The following AGMO variants were observed in gnomAD, a reference collection of about 807,000 sequenced individuals.
AGMO encodes alkylglycerol monooxygenase.
AGMO carries 75 observed loss-of-function variants against 60.2 expected under a neutral mutation model. The observed-to-expected ratio is 1.25, with a 90% CI of 1.03 to 1.51. The LOEUF is 1.51. Ranked by LOEUF, AGMO falls within the 40% of genes most tolerant of loss-of-function variation. The pLI, the probability that AGMO is intolerant of heterozygous loss-of-function variation, is 0.00. For missense variants in AGMO, 763 were observed against 525.5 expected, an observed-to-expected ratio of 1.45 and a Z score of -4.42; for synonymous variants, 261 against 177.1, an observed-to-expected ratio of 1.47 and a Z score of -3.76.
At chr7:15,367,336 T>C (rs1473836964) in intron 10 of AGMO, among the ~76,000 whole-genome samples, 2 of 152,010 alleles carry the variant, frequency 1.3e-5, no homozygotes, top group Non-Finnish European at 2.9e-5. Context: ...ATTTATATAT[T>C]AAAATTTAAT....
At chr7:15,222,432 G>C (rs913922455) in intron 12 of AGMO, among the ~76,000 whole-genome samples, 18 of 152,070 alleles carry the variant, frequency 1.2e-4, no homozygotes, top group African/African-American at 3.4e-4. Flanking sequence ...TGAGTGGCTA[G>C]AGCGATTGAG....
At chr7:15,396,874 T>G (rs147414387) in intron 5 of AGMO, among the ~76,000 whole-genome samples, 1 of 152,080 alleles carries the variant, frequency 6.6e-6, no homozygotes, top group Non-Finnish European at 1.5e-5. Context: ...AGATACAGAG[T>G]GCTGATTAGT....
intron 12 of AGMO, among the ~76,000 whole-genome samples, chr7:15,297,241 C>A (rs1784430531): frequency 6.6e-6 from 1 of 152,102 alleles, no homozygotes; most frequent in Non-Finnish European, 1.5e-5. Context: ...CCATCAAAGA[C>A]CAACCCTACT....
intron 12 of AGMO, among the ~76,000 whole-genome samples, chr7:15,283,392 T>C (rs1244469504): frequency 6.6e-6 from 1 of 152,016 alleles, no homozygotes; most frequent in Non-Finnish European, 1.5e-5. Context: ...TGGAAAAAGA[T>C]ATTTGATGCA....
chr7:15,499,540 T>C (rs1366869989), intron 3 of AGMO, among the ~76,000 whole-genome samples: 1 of 151,876 alleles, frequency 6.6e-6, no homozygotes, highest in East Asian at 1.9e-4. Flanking sequence ...TCTCATGCAA[T>C]GTTGATGCAT....
intron 12 of AGMO, among the ~76,000 whole-genome samples, chr7:15,279,309 TTC>T (rs1243244189): frequency 1.3e-5 from 2 of 152,054 alleles, no homozygotes; most frequent in Non-Finnish European, 2.9e-5. Context: ...CTCCTCTGCT[TTC>T]TCTGATTCCA....
intron 12 of AGMO, among the ~76,000 whole-genome samples, chr7:15,291,184 ATCT>A (rs1322490299): frequency 6.6e-6 from 1 of 152,146 alleles, no homozygotes; most frequent in Admixed American, 6.5e-5. Context: ...CTTTTAATTT[ATCT>A]TTTTAAAATT....
chr7:15,354,032 G>A (rs919707735), intron 12 of AGMO, among the ~76,000 whole-genome samples: 6 of 152,050 alleles, frequency 3.9e-5, no homozygotes, highest in Non-Finnish European at 7.4e-5. Flanking sequence ...TTATAAAGCA[G>A]AGAAGCAATA....
At chr7:15,461,894 G>A (rs1360151323) in intron 3 of AGMO, among the ~76,000 whole-genome samples, 1 of 151,912 alleles carries the variant, frequency 6.6e-6, no homozygotes. Context: ...TCAATGTCAC[G>A]ATAAAAAAGT....
intron 12 of AGMO, among the ~76,000 whole-genome samples, chr7:15,241,185 G>T (rs1194879219): frequency 6.6e-6 from 1 of 152,040 alleles, no homozygotes; most frequent in East Asian, 1.9e-4. Flanking sequence ...GTAAAGACTA[G>T]GGAAGTGGCT....
chr7:15,388,282 G>A (rs994508928), intron 8 of AGMO, among the ~76,000 whole-genome samples: 11 of 152,062 alleles, frequency 7.2e-5, no homozygotes, highest in Admixed American at 1.3e-4. Flanking sequence ...AAGCATGTGG[G>A]TTACTTATAT....
rs116692485 is a variant in AGMO, at chr7:15,330,001, A to G, written c.1263+35513T>C. ...AACTAATGGTCTAGTGGAAGGAAAA[A>G]ATAACTAATTTATAGAAGTTTAGGG... On this transcript the variant is annotated intron_variant, in intron 12 of 12. Coordinates refer to ENST00000342526, the MANE Select transcript of AGMO (RefSeq NM_001004320.2). 5.5e-3 allele frequency among the ~76,000 whole-genome samples: 837 copies of G among 152,298 alleles called. 13 individuals carry two copies. Among genetic ancestry groups the G allele is most frequent in the African/African-American group, 0.019 (779 of 41,562 alleles).
At chr7:15,165,532 C>A in the AGMO span, among the ~76,000 whole-genome samples, 1 of 152,028 alleles carries the variant, frequency 6.6e-6, no homozygotes, top group Admixed American at 6.6e-5. Flanking sequence ...TTGTATTTAA[C>A]CCTATAAACA....
Position 15,529,707 on chromosome 7 carries a change from C to CTG in AGMO, c.409+15064_409+15065insCA, listed in dbSNP as rs1784248599. On this transcript the variant is annotated intron_variant, in intron 3 of 12. Transcript: ENST00000342526. ...ATATAGAATATATATTCCATATATA[C>CTG]TATATATATACTATATACTCTATAT... Among the ~76,000 whole-genome samples, 3 of 38,146 alleles carry CTG rather than the reference C, an allele frequency of 7.9e-5. 1 individual carries two copies. The highest frequency in any genetic ancestry group is 1.6e-4 in the Non-Finnish European group (3 of 19,156). 25.0% of individuals were successfully genotyped at this position (38,146 alleles called of 152,430 possible). A position where few individuals can be genotyped will look rare whatever the true frequency, so the allele number is the denominator to read the frequency against.
intron 12 of AGMO, among the ~76,000 whole-genome samples, chr7:15,327,321 A>T (rs73296400): frequency 0.033 from 4,950 of 152,296 alleles, 295 homozygotes; most frequent in African/African-American, 0.11. Context: ...AAAAAGAAAT[A>T]AGTGTTGGAG....
At chr7:15,557,970 C>G (rs974020974) in intron 2 of AGMO, among the ~76,000 whole-genome samples, 1 of 143,358 alleles carries the variant, frequency 7.0e-6, no homozygotes, top group African/African-American at 2.6e-5. Context: ...CCCTGAAGGA[C>G]TGGTTTGTTT....
the AGMO span, among the ~76,000 whole-genome samples, chr7:15,136,817 C>G: frequency 1.3e-5 from 2 of 152,018 alleles, no homozygotes; most frequent in African/African-American, 4.8e-5. Flanking sequence ...CACTACCTAT[C>G]TCTTGTCAAG....
chr7:15,430,997 C>A lies in AGMO; in HGVS notation c.513+8G>T. On this transcript the variant is annotated splice_region_variant and intron_variant, in intron 4 of 12. Transcript: ENST00000342526. ...ATTACCATGTTTATTCCATTTCATACAACTTACCCAGGAAGTATATATCTG... is the reference window on the plus strand; with the variant it reads ...ATTACCATGTTTATTCCATTTCATAAAACTTACCCAGGAAGTATATATCTG... 1 of 1,468,224 alleles carries A rather than the reference C, an allele frequency of 6.8e-7. No individual in the cohort carries two copies. The highest frequency in any genetic ancestry group is 9.2e-7 in the Non-Finnish European group (1 of 1,083,690). The allele number at this position is 1,468,224 out of a possible 1,614,324, so 90.9% of individuals were successfully genotyped here. A position where few individuals can be genotyped will look rare whatever the true frequency, so the allele number is the denominator to read the frequency against.
intron 12 of AGMO, among the ~76,000 whole-genome samples, chr7:15,248,225 T>TATATATATATATA (rs1782823894): frequency 3.5e-5 from 4 of 115,070 alleles, no homozygotes; most frequent in Non-Finnish European, 5.3e-5. Flanking sequence ...TATATATATA[T>TATATATATATATA]CTTCATCTTC....
Sources: allele counts gnomAD v4.1 joint callset (sites outside exome capture counted in the v4.1 genomes callset), GRCh38; gene constraint gnomAD v4.1.1; transcripts MANE v1.5; gene names NCBI Gene and HGNC (gene_info 2026-07-23, HGNC 2026-07-21).